The following ZNF782 variants were observed in gnomAD, a reference collection of about 807,000 sequenced individuals.
ZNF782 encodes zinc finger protein 782.
Under a neutral mutation model 13.0 loss-of-function variants are expected in ZNF782, and 12 were observed. The observed-to-expected ratio is 0.92, with a 90% confidence interval of 0.59 to 1.50. ZNF782 has a LOEUF of 1.50. ZNF782 is among the 40% of genes most tolerant of loss of function. The pLI, the probability that ZNF782 is intolerant of heterozygous loss-of-function variation, is 0.00. For synonymous variants in ZNF782, 284 were observed against 283.0 expected (o/e 1.00, Z -0.04); for missense variants, 770 against 822.9 (o/e 0.94, Z 0.79).
At chr9:96,838,983 G>T (rs991380938) in intron 4 of ZNF782, among the ~76,000 whole-genome samples, 1 of 152,028 alleles carries the variant, frequency 6.6e-6, no homozygotes, top group African/African-American at 2.4e-5. Context: ...CAAAGTGCTG[G>T]GATTACAGTC....
chr9:96,845,574 A>C (rs994457571), intron 3 of ZNF782, among the ~76,000 whole-genome samples: 2 of 152,228 alleles, frequency 1.3e-5, no homozygotes, highest in African/African-American at 4.8e-5. Context: ...GAATCTTTAC[A>C]AGAATGAAAA....
the ZNF782 span, among the ~76,000 whole-genome samples, chr9:96,896,320 A>G: frequency 2.6e-5 from 4 of 152,186 alleles, no homozygotes; most frequent in Admixed American, 6.5e-5. Context: ...GCCCTATGTC[A>G]TAATTTAATC....
Position 96,832,855 on chromosome 9 carries a change from A to T in ZNF782, c.143-5674T>A, listed in dbSNP as rs539251198. 3.9e-5 allele frequency among the ~76,000 whole-genome samples: 6 copies of T among 152,050 alleles called. No individual in the cohort carries two copies. In the South Asian group the frequency reaches 1.2e-3, roughly 32 times the overall value. On this transcript the variant is annotated intron_variant, in intron 4 of 5. Transcript: ENST00000481138. ...CTCAGCTTCTTGAATCTCTAGGATT[A>T]TGTCCTTTGCCACATTTGTGAAAAT...
At chr9:96,913,526 C>T in the ZNF782 span, among the ~76,000 whole-genome samples, 1,222 of 149,188 alleles carry the variant, frequency 8.2e-3, 16 homozygotes, top group African/African-American at 0.025. Context: ...TTTTTTTTGG[C>T]GGGGGGTTGG....
chr9:96,881,613 G>A, the ZNF782 span, among the ~76,000 whole-genome samples: 1 of 151,990 alleles, frequency 6.6e-6, no homozygotes. Flanking sequence ...AGTAAGGCTT[G>A]AACTTTTTTT....
In ZNF782 at chr9:96,818,672, C is replaced by G; in HGVS notation, c.1351G>C (p.Glu451Gln). The G allele has an allele frequency of 6.2e-7, 1 of 1,612,898 alleles. No homozygotes were observed. The highest frequency in any genetic ancestry group is 1.7e-4 in the Middle Eastern group (1 of 6,056). The change falls in exon 6 of 6, where the codon GAA becomes CAA. Residue 451 changes from glutamate to glutamine, a missense_variant. Transcript: ENST00000481138. ...QRTHTGEKPF[E>Q]CHECGKSFNY... ...AAAGATTTCCCACATTCATGACATT[C>G]GAATGGTTTCTCCCCTGTGTGGGTT...
intron 5 of ZNF782, among the ~76,000 whole-genome samples, chr9:96,822,242 C>T (rs1200718937): frequency 6.6e-6 from 1 of 152,022 alleles, no homozygotes; most frequent in African/African-American, 2.4e-5. Flanking sequence ...TATGAAACAC[C>T]TCTCCCGAGT....
At chr9:96,879,897 G>A (rs562309414), upstream of ZNF782, among the ~76,000 whole-genome samples, 4 of 151,854 alleles carry the variant, frequency 2.6e-5, no homozygotes, top group African/African-American at 7.2e-5. Flanking sequence ...AGATTCCTTG[G>A]GATTTTCTGT....
the ZNF782 span, among the ~76,000 whole-genome samples, chr9:96,884,781 C>T: frequency 2.0e-5 from 3 of 152,168 alleles, no homozygotes; most frequent in African/African-American, 7.2e-5. Flanking sequence ...GGAAGCTGAA[C>T]AAACACACCC....
At chr9:96,866,569 G>T (rs764692510) in intron 1 of ZNF782, among the ~76,000 whole-genome samples, 1 of 152,148 alleles carries the variant, frequency 6.6e-6, no homozygotes, top group Non-Finnish European at 1.5e-5. Flanking sequence ...TGGGGTCGGA[G>T]CCCCCATACA....
At chr9:96,841,236 A>C (rs1564006165) in intron 4 of ZNF782, among the ~76,000 whole-genome samples, 1 of 151,958 alleles carries the variant, frequency 6.6e-6, no homozygotes, top group Non-Finnish European at 1.5e-5. Flanking sequence ...TATATGACTT[A>C]AATAAATTGA....
intron 1 of ZNF782, among the ~76,000 whole-genome samples, chr9:96,866,565 C>T (rs966342094): frequency 1.6e-4 from 25 of 152,124 alleles, no homozygotes; most frequent in African/African-American, 5.3e-4. Flanking sequence ...AATGTGGGGT[C>T]GGAGCCCCCA....
At chr9:96,834,923 C>A (rs1158793199) in intron 4 of ZNF782, among the ~76,000 whole-genome samples, 1 of 152,062 alleles carries the variant, frequency 6.6e-6, no homozygotes, top group Non-Finnish European at 1.5e-5. Flanking sequence ...CAGATGAAGA[C>A]AGGAAAACAA....
rs1851449556 is a variant in ZNF782 at position 96,850,224 on chromosome 9, G to A, written c.15+1723C>T. Among the ~76,000 whole-genome samples, 2 of 152,166 alleles carry A rather than the reference G, an allele frequency of 1.3e-5. No individual in the cohort carries two copies. The highest frequency in any genetic ancestry group is 4.8e-5 in the African/African-American group (2 of 41,448). On this transcript the variant is annotated intron_variant, in intron 3 of 5. Transcript: ENST00000481138. The surrounding 1 kb of genome is among the most constrained non-coding windows in gnomAD (Gnocchi z 4.3). ...AACCAGCACACGTTTGTAGCAGCAC[G>A]ATTCACAATTGCAAAGATGTGGAAC... is the stretch of plus-strand genomic sequence containing the variant.
At chr9:96,830,993 G>A (rs570081569) in intron 4 of ZNF782, among the ~76,000 whole-genome samples, 1 of 152,216 alleles carries the variant, frequency 6.6e-6, no homozygotes, top group East Asian at 1.9e-4. Flanking sequence ...TAGAAGAGCA[G>A]AAATTACCCA....
chr9:96,912,239 C>T, the ZNF782 span, among the ~76,000 whole-genome samples: 339 of 146,138 alleles, frequency 2.3e-3, no homozygotes, highest in African/African-American at 8.0e-3. Flanking sequence ...AAAAACAGGC[C>T]AGGCGCAGTG....
intron 1 of ZNF782, among the ~76,000 whole-genome samples, chr9:96,864,271 C>T (rs957819804): frequency 9.9e-5 from 15 of 151,634 alleles, no homozygotes; most frequent in South Asian, 4.2e-4. Flanking sequence ...TGGTTTTCTT[C>T]GATAACTAAG....
the ZNF782 span, among the ~76,000 whole-genome samples, chr9:96,912,001 A>C: frequency 6.6e-6 from 1 of 151,540 alleles, no homozygotes; most frequent in African/African-American, 2.4e-5. Context: ...GGAGTTCAAG[A>C]CCAGCCTGAC....
chr9:96,894,202 A>T, the ZNF782 span: 1 of 152,000 alleles, frequency 6.6e-6, no homozygotes, highest in African/African-American at 2.4e-5. Flanking sequence ...GTGGGATGGG[A>T]AGAGGGGGGA....
Sources: allele counts gnomAD v4.1 joint callset (sites outside exome capture counted in the v4.1 genomes callset), GRCh38; gene constraint gnomAD v4.1.1; non-coding constraint Gnocchi (gnomAD v3.1); transcripts MANE v1.5; gene names NCBI Gene and HGNC (gene_info 2026-07-23, HGNC 2026-07-21).